Variants in CSF2RB observed in about 807,000 individuals in gnomAD.
CSF2RB encodes cytokine receptor common subunit beta.
In CSF2RB, 22 loss-of-function variants were observed where a neutral mutation model predicts 67.2. The ratio of observed to expected loss-of-function variants is 0.33; its 90% CI spans 0.23 to 0.47. The LOEUF (loss-of-function observed/expected upper bound fraction) is 0.47. Among genes scored for constraint, CSF2RB ranks in the 20% least tolerant of loss-of-function variants. The pLI is 1.00. For synonymous variants in CSF2RB, 507 were observed against 482.9 expected, an observed-to-expected ratio of 1.05 and a Z score of -0.65; for missense variants, 1,113 against 1,174.5, an observed-to-expected ratio of 0.95 and a Z score of 0.76.
rs78574914 is a variant in CSF2RB at position 36,934,032 on chromosome 22, C to T, written c.1315+38C>T. On this transcript the variant is annotated intron_variant, in intron 10 of 13. Transcript: ENST00000403662. ...TGGAGTCCAGAGCTTCTGGCCAGGACCAGCTCATAGTTTCTCACTGCCAGA... is the reference window on the plus strand; with the variant it reads ...TGGAGTCCAGAGCTTCTGGCCAGGATCAGCTCATAGTTTCTCACTGCCAGA... 47,489 of 1,608,680 alleles carry T rather than the reference C, an allele frequency of 0.03. 785 individuals are homozygous for T. Among genetic ancestry groups the T allele is most frequent in the Middle Eastern group, 0.051 (309 of 6,060 alleles).
In CSF2RB at chr22:36,939,452, T is replaced by C; in HGVS notation, c.*950T>C. 1 of 556,496 alleles carries C rather than the reference T, an allele frequency of 1.8e-6. No individual in the cohort carries two copies. Among genetic ancestry groups the C allele is most frequent in the South Asian group, 2.2e-5 (1 of 46,280 alleles). 34.5% of individuals were successfully genotyped at this position (556,496 alleles called of 1,614,324 possible). A position where few individuals can be genotyped will look rare whatever the true frequency, so the allele number is the denominator to read the frequency against. ...TCCAGATAGACCAGGCAACTCTCCC[T>C]CCCACCGGCCACAGATGAGGGGCTG... On this transcript the variant is annotated 3_prime_UTR_variant, in exon 14 of 14. Coordinates refer to ENST00000403662, the MANE Select transcript of CSF2RB (RefSeq NM_000395.3).
chr22:36,920,064 C>T (rs1371932103), intron 1 of CSF2RB, among the ~76,000 whole-genome samples: 3 of 152,300 alleles, frequency 2.0e-5, no homozygotes, highest in Middle Eastern at 6.8e-3. Context: ...TAACATCCCA[C>T]CCCTGTTTTC....
At chr22:36,932,147 TAGTC>T (rs1338575187) in intron 8 of CSF2RB, among the ~76,000 whole-genome samples, 2 of 152,148 alleles carry the variant, frequency 1.3e-5, no homozygotes, top group South Asian at 2.1e-4. Flanking sequence ...GGCTAAAACA[TAGTC>T]AGGCTGGGCG....
At chr22:36,921,942 G>A (rs1940881991) in intron 1 of CSF2RB, 94 bp from the exon 2 acceptor site, 7 of 575,522 alleles carry the variant, frequency 1.2e-5, no homozygotes, top group East Asian at 5.7e-5. Flanking sequence ...CATGCATGAG[G>A]GCCACTTCTC....
chr22:36,923,175 A>T, intron 2 of CSF2RB, 69 bp from the exon 3 acceptor site: 2 of 1,612,496 alleles, frequency 1.2e-6, no homozygotes, highest in East Asian at 4.5e-5. Context: ...ATCCCAAAGC[A>T]GCTGGGGGTG....
rs779590800 is a variant in CSF2RB, at chr22:36,926,081, C to T, written c.295C>T (p.Pro99Ser). ...CTGCGTGCCCAGGAGATGTGTCATT[C>T]CCTGCCAGAGTTTTGTCGTCACTGA... ...PRCVPRRCVI[P>S]CQSFVVTDVD... The change falls in exon 4 of 14, where the codon CCC (proline) becomes TCC (serine). Residue 99 changes from proline (P) to serine (S), a missense_variant. Physicochemically the swap from Pro to Ser is moderately conservative, Grantham distance 74. Coordinates refer to ENST00000403662, the MANE Select transcript of CSF2RB (RefSeq NM_000395.3). 6.2e-7 allele frequency: 1 copy of T among 1,614,214 alleles called. No individual in the cohort carries two copies. Among genetic ancestry groups the T allele is most frequent in the Non-Finnish European group, 8.5e-7 (1 of 1,180,026 alleles).
At chr22:36,917,592 T>A (rs1168915505) in intron 1 of CSF2RB, among the ~76,000 whole-genome samples, 1 of 152,256 alleles carries the variant, frequency 6.6e-6, no homozygotes, top group Non-Finnish European at 1.5e-5. Context: ...TAGTGATTTT[T>A]AATCTTTATG....
chr22:36,934,483 T>A (rs1434790948), intron 10 of CSF2RB, among the ~76,000 whole-genome samples: 1 of 152,220 alleles, frequency 6.6e-6, no homozygotes, highest in East Asian at 1.9e-4. Context: ...AGGCTTCTGT[T>A]AATATGGCCC....
chr22:36,939,206 G>T lies in CSF2RB; in HGVS notation c.*704G>T. On this transcript the variant is annotated 3_prime_UTR_variant, in exon 14 of 14. Coordinates refer to ENST00000403662, the MANE Select transcript of CSF2RB (RefSeq NM_000395.3). ...GGGGAGCCCTGCTAGTTGTCTCAGT[G>T]ATGTCTGTGGGACCTCCAGTCCCTT... 1.4e-6 allele frequency: 1 copy of T among 702,354 alleles called. No homozygotes were observed. Among genetic ancestry groups the T allele is most frequent in the Non-Finnish European group, 2.6e-6 (1 of 384,852 alleles). 43.5% of individuals were successfully genotyped at this position (702,354 alleles called of 1,614,324 possible).
intron 8 of CSF2RB, 83 bp downstream of exon 8, chr22:36,930,913 T>C: frequency 6.6e-7 from 1 of 1,506,798 alleles, no homozygotes; most frequent in Non-Finnish European, 9.2e-7. Context: ...TCAGGGTTCC[T>C]CCTGGCCCCG....
chr22:36,929,834 C>A (rs1420503144), intron 6 of CSF2RB, 27 bp downstream of exon 6: 4 of 1,609,054 alleles, frequency 2.5e-6, no homozygotes, highest in Non-Finnish European at 3.4e-6. Context: ...CCAGGAAATG[C>A]CCCGTGGTGG....
Position 36,935,398 on chromosome 22 carries a change from G to A in CSF2RB, c.1363G>A (p.Ala455Thr), listed in dbSNP as rs373831495. 3.2e-5 allele frequency: 51 copies of A among 1,614,154 alleles called. No homozygotes were observed. The African/African-American group carries it at 4.9e-4, about 16-fold the overall frequency. The change falls in exon 11 of 14, where the codon GCT (alanine) becomes ACT (threonine). Residue 455 changes from alanine to threonine, a missense_variant. By Grantham distance (58) the Ala-to-Thr change is moderately conservative (BLOSUM62 0). Transcript: ENST00000403662. ...CCTCATCGTGATCTTCCTCACCATC[G>A]CTGTGCTCCTGGCCCTCCGCTTCTG... is the stretch of plus-strand genomic sequence containing the variant. ...LALIVIFLTI[A>T]VLLALRFCGI...
At chr22:36,917,700 G>A (rs566662486) in intron 1 of CSF2RB, among the ~76,000 whole-genome samples, 17 of 152,310 alleles carry the variant, frequency 1.1e-4, no homozygotes, top group African/African-American at 4.1e-4. Flanking sequence ...AAGGTGGGCA[G>A]ATCACTTGAG....
At chr22:36,926,297 T>C in intron 4 of CSF2RB, 120 bp downstream of exon 4, 9 of 995,424 alleles carry the variant, frequency 9.0e-6, no homozygotes, top group Non-Finnish European at 1.4e-5. Context: ...TGAGGGTTTC[T>C]TGAGGGATGA....
At chr22:36,924,317 C>T (rs1252054542) in intron 3 of CSF2RB, among the ~76,000 whole-genome samples, 1 of 151,000 alleles carries the variant, frequency 6.6e-6, no homozygotes, top group Non-Finnish European at 1.5e-5. Flanking sequence ...GACCAGGGCT[C>T]CTGTCTGAGG....
At position 36,933,767 on chromosome 22, in the gene CSF2RB, G is replaced by A. The variant is rs774173519; in HGVS notation, c.1153-65G>A. 344 of 1,547,256 alleles carry A rather than the reference G, an allele frequency of 2.2e-4. 1 individual carries two copies. The highest frequency in any genetic ancestry group is 2.7e-4 in the Non-Finnish European group (311 of 1,151,332). On this transcript the variant is annotated intron_variant, in intron 9 of 13. Transcript: ENST00000403662. ...AGCCAGCGAAGCCGAGGGTCCAGGTGGGAGGGATTTGCAGCTGCTCCCACG... is the reference window on the plus strand; with the variant it reads ...AGCCAGCGAAGCCGAGGGTCCAGGTAGGAGGGATTTGCAGCTGCTCCCACG...
In CSF2RB at chr22:36,939,157, A is replaced by G. The variant is rs578195208; in HGVS notation, c.*655A>G. ...CGGGGGGGCGGTGCAAGGGACGCAC[A>G]TGAGAGACTGTTTGGGAGCTTCTGG... is the stretch of plus-strand genomic sequence containing the variant. On this transcript the variant is annotated 3_prime_UTR_variant, in exon 14 of 14. Transcript: ENST00000403662. The G allele has an allele frequency of 7.1e-6, 5 of 702,280 alleles. No individual in the cohort carries two copies. Among genetic ancestry groups the G allele is most frequent in the African/African-American group, 3.5e-5 (2 of 57,326 alleles). 43.5% of individuals were successfully genotyped at this position (702,280 alleles called of 1,614,324 possible).
At chr22:36,933,703 G>T in intron 9 of CSF2RB, 129 bp from the exon 10 acceptor site, 1 of 1,289,532 alleles carries the variant, frequency 7.8e-7, no homozygotes, top group African/African-American at 1.5e-5. Context: ...GGTGGTGAGA[G>T]AGAAGCCGCA....
Position 36,939,198 on chromosome 22 carries a change from G to C in CSF2RB, c.*696G>C. The C allele has an allele frequency of 1.4e-6, 1 of 702,332 alleles. No homozygotes were observed. The highest frequency in any genetic ancestry group is 2.6e-6 in the Non-Finnish European group (1 of 384,818). The allele number at this position is 702,332 out of a possible 1,614,324, so 43.5% of individuals were successfully genotyped here. Reference sequence around the variant, plus strand: ...GAGCTTCTGGGGAGCCCTGCTAGTTGTCTCAGTGATGTCTGTGGGACCTCC... The same window carrying C: ...GAGCTTCTGGGGAGCCCTGCTAGTTCTCTCAGTGATGTCTGTGGGACCTCC... On this transcript the variant is annotated 3_prime_UTR_variant, in exon 14 of 14. Transcript: ENST00000403662.
Sources: gnomAD v4.1 joint callset for allele counts (sites outside exome capture counted in the v4.1 genomes callset) on GRCh38, gnomAD v4.1.1 for gene constraint, MANE v1.5 for transcripts, NCBI Gene and HGNC (gene_info 2026-07-23, HGNC 2026-07-21) for gene names.